Variants in ADGRF5 observed in about 807,000 individuals in gnomAD.
ADGRF5 encodes adhesion G protein-coupled receptor F5, also known as G-protein coupled receptor 116.
In ADGRF5, 75 loss-of-function variants were observed where a neutral mutation model predicts 132.3. That is an observed-to-expected ratio of 0.57 (90% CI 0.47 to 0.69). ADGRF5 has a LOEUF of 0.69. ADGRF5 is among the 30% of genes least tolerant of loss of function. ADGRF5 has a pLI of 0.00. For synonymous variants in ADGRF5, 629 were observed against 597.6 expected (o/e 1.05, Z -0.77); for missense variants, 1,516 against 1,630.6 (o/e 0.93, Z 1.21).
At chr6:46,922,798 C>T (rs539543447), upstream of ADGRF5, among the ~76,000 whole-genome samples, 2 of 152,278 alleles carry the variant, frequency 1.3e-5, no homozygotes, top group South Asian at 4.1e-4. Flanking sequence ...TGCAGGTAGT[C>T]CCAAGAGTAT....
At chr6:46,933,312 A>G (rs1419845596) in intron 1 of ADGRF5, among the ~76,000 whole-genome samples, 1 of 152,236 alleles carries the variant, frequency 6.6e-6, no homozygotes, top group Non-Finnish European at 1.5e-5. Flanking sequence ...TCCTACACAT[A>G]TCGCTCAGTA....
chr6:46,907,543 A>C (rs1775514288), intron 1 of ADGRF5, among the ~76,000 whole-genome samples: 1 of 152,052 alleles, frequency 6.6e-6, no homozygotes, highest in African/African-American at 2.4e-5. Context: ...TATAATGCTG[A>C]TGATGAAAAT....
At chr6:46,867,260 T>C (rs1346514942) in intron 12 of ADGRF5, 123 bp from the exon 13 acceptor site, 4 of 617,840 alleles carry the variant, frequency 6.5e-6, no homozygotes, top group Non-Finnish European at 1.2e-5. Context: ...ATACCACAAC[T>C]TCCTGGACAC....
At chr6:46,941,607 C>A (rs1778093344) in intron 1 of ADGRF5, among the ~76,000 whole-genome samples, 3 of 151,442 alleles carry the variant, frequency 2.0e-5, no homozygotes, top group South Asian at 4.2e-4. Flanking sequence ...CCAGGTGATT[C>A]TGATGTGCAC....
At chr6:46,950,523 T>G (rs1778459796) in intron 1 of ADGRF5, among the ~76,000 whole-genome samples, 1 of 152,166 alleles carries the variant, frequency 6.6e-6, no homozygotes, top group Admixed American at 6.5e-5. Context: ...TTGTTTGTTT[T>G]GTTTTGTTTT....
In ADGRF5 at chr6:46,934,941, T is replaced by C. The variant is rs1282667722; in HGVS notation, c.-25+19793A>G. ...GAACTTAGACCTTCAATAGATTTTTTAGGAAAAATACTTAATCACTGATGT... is the reference window on the plus strand; with the variant it reads ...GAACTTAGACCTTCAATAGATTTTTCAGGAAAAATACTTAATCACTGATGT... On this transcript the variant is annotated intron_variant, in intron 1 of 20. Coordinates refer to the ADGRF5 transcript ENST00000265417. 2.6e-5 allele frequency among the ~76,000 whole-genome samples: 4 copies of C among 151,714 alleles called. No homozygotes were observed. In the East Asian group the frequency reaches 7.7e-4, roughly 29 times the overall value.
At chr6:46,859,652 A>T (rs1408426080) in intron 16 of ADGRF5, 129 bp from the exon 17 acceptor site, 19 of 629,456 alleles carry the variant, frequency 3.0e-5, no homozygotes, top group Non-Finnish European at 4.7e-5. Context: ...ATGAGACATC[A>T]CAGGCAGTGG....
chr6:46,857,939 C>T (rs148142206), intron 17 of ADGRF5, among the ~76,000 whole-genome samples, 190 bp downstream of exon 17: 2 of 152,294 alleles, frequency 1.3e-5, no homozygotes, highest in African/African-American at 4.8e-5. Context: ...TGATAAAAAG[C>T]ATGAGGTGCC....
intron 1 of ADGRF5, among the ~76,000 whole-genome samples, chr6:46,951,948 C>T (rs1477176372): frequency 2.6e-5 from 4 of 152,200 alleles, no homozygotes; most frequent in African/African-American, 9.7e-5. Flanking sequence ...AGAGCACCGC[C>T]TTCCAAATTA....
At chr6:46,937,183 T>C (rs1006425944) in intron 1 of ADGRF5, among the ~76,000 whole-genome samples, 1 of 151,692 alleles carries the variant, frequency 6.6e-6, no homozygotes, top group African/African-American at 2.4e-5. Flanking sequence ...TGAGCAAAAA[T>C]GCTATGAAGA....
chr6:46,902,012 T>G (rs889953031), intron 2 of ADGRF5, among the ~76,000 whole-genome samples: 5 of 152,222 alleles, frequency 3.3e-5, no homozygotes, highest in Admixed American at 6.5e-5. Flanking sequence ...TGATAGTTCA[T>G]AAACGTTCTT....
chr6:46,877,524 G>T (rs779525256), intron 10 of ADGRF5, among the ~76,000 whole-genome samples: 3 of 151,434 alleles, frequency 2.0e-5, no homozygotes, highest in Non-Finnish European at 2.9e-5. Flanking sequence ...TTTTTTAAAG[G>T]GTTAATCATA....
At chr6:46,879,285 A>G (rs919590610) in intron 9 of ADGRF5, among the ~76,000 whole-genome samples, 55 of 151,954 alleles carry the variant, frequency 3.6e-4, no homozygotes, top group Non-Finnish European at 6.8e-4. Context: ...AATTAATACC[A>G]CGGTGATATG....
chr6:46,874,722 G>T (rs78883664), intron 10 of ADGRF5, among the ~76,000 whole-genome samples: 2 of 152,152 alleles, frequency 1.3e-5, no homozygotes, highest in Non-Finnish European at 2.9e-5. Context: ...TGTGTTGAGG[G>T]GGGTGGAAGG....
intron 10 of ADGRF5, among the ~76,000 whole-genome samples, chr6:46,873,954 T>A (rs928603995): frequency 1.3e-5 from 2 of 152,230 alleles, no homozygotes; most frequent in Non-Finnish European, 2.9e-5. Flanking sequence ...TATTGTCTTA[T>A]CCACTCCTAC....
intron 11 of ADGRF5, chr6:46,869,466 G>T (rs778743045): frequency 8.0e-6 from 6 of 747,020 alleles, no homozygotes; most frequent in African/African-American, 5.7e-5. Flanking sequence ...AGAACAAATG[G>T]CCGGGTTCCT....
intron 15 of ADGRF5, among the ~76,000 whole-genome samples, chr6:46,861,571 G>T: frequency 6.6e-6 from 1 of 152,130 alleles, no homozygotes; most frequent in Non-Finnish European, 1.5e-5. Context: ...ACTTTCATTT[G>T]TGGCATCTCC....
chr6:46,893,303 C>T (rs151041030), intron 3 of ADGRF5, among the ~76,000 whole-genome samples: 118 of 152,132 alleles, frequency 7.8e-4, no homozygotes, highest in African/African-American at 2.8e-3. Flanking sequence ...CATTTCTTCT[C>T]CTCTGAAGCC....
chr6:46,954,896 C>G (rs113072549), exon 1 of ADGRF5: 3 of 143,076 alleles, frequency 2.1e-5, no homozygotes, highest in South Asian at 2.4e-4. Flanking sequence ...GGGGCTCTTG[C>G]GGGTTCCCAG....
Sources: gnomAD v4.1 joint callset for allele counts (sites outside exome capture counted in the v4.1 genomes callset) on GRCh38, gnomAD v4.1.1 for gene constraint, MANE v1.5 for transcripts, NCBI Gene and HGNC (gene_info 2026-07-23, HGNC 2026-07-21) for gene names.